Variants in ADARB2 observed in about 807,000 individuals in gnomAD.
ADARB2 encodes adenosine deaminase RNA specific B2 (inactive).
ADARB2 carries 25 observed loss-of-function variants against 62.2 expected under a neutral mutation model. The observed-to-expected ratio is 0.40, with a 90% CI of 0.29 to 0.56. ADARB2 has a LOEUF of 0.56. Among genes scored for constraint, ADARB2 ranks in the 20% least tolerant of loss-of-function variants. ADARB2 has a pLI of 0.43. For synonymous variants in ADARB2, 572 were observed against 500.8 expected, an observed-to-expected ratio of 1.14 and a Z score of -1.90; for missense variants, 1,071 against 1,077.4, an observed-to-expected ratio of 0.99 and a Z score of 0.08.
chr10:1,681,841 C>G (rs1262444397), intron 1 of ADARB2, among the ~76,000 whole-genome samples: 1 of 152,114 alleles, frequency 6.6e-6, no homozygotes, highest in Non-Finnish European at 1.5e-5. Flanking sequence ...AGCAATCCTC[C>G]CAGCCACAGA....
intron 1 of ADARB2, among the ~76,000 whole-genome samples, chr10:1,677,398 T>TGGGGC (rs1226402602): frequency 6.6e-6 from 1 of 152,044 alleles, no homozygotes; most frequent in African/African-American, 2.4e-5. Flanking sequence ...TGGTACTGGG[T>TGGGGC]GGGGCTGGGC....
intron 1 of ADARB2, among the ~76,000 whole-genome samples, chr10:1,496,233 T>A (rs1588277670): frequency 6.6e-6 from 1 of 151,918 alleles, no homozygotes; most frequent in Non-Finnish European, 1.5e-5. Context: ...ATCATCATTG[T>A]CATTATCACC....
At chr10:1,432,986 A>G (rs1474889311) in intron 1 of ADARB2, among the ~76,000 whole-genome samples, 2 of 152,232 alleles carry the variant, frequency 1.3e-5, no homozygotes, top group Non-Finnish European at 2.9e-5. Flanking sequence ...GTGAAGATGA[A>G]CCTGGCTGAT....
At chr10:1,536,797 A>G (rs1832338422) in intron 1 of ADARB2, among the ~76,000 whole-genome samples, 1 of 152,234 alleles carries the variant, frequency 6.6e-6, no homozygotes, top group South Asian at 2.1e-4. Context: ...CCTTTTACTT[A>G]TACAAAAATT....
chr10:1,208,733 G>C (rs139004526), intron 7 of ADARB2, among the ~76,000 whole-genome samples: 44 of 152,340 alleles, frequency 2.9e-4, no homozygotes, highest in African/African-American at 1.0e-3. Context: ...CAAGTCAGTC[G>C]TGTTTGCTGA....
intron 3 of ADARB2, among the ~76,000 whole-genome samples, chr10:1,341,582 C>T (rs1485731061): frequency 6.6e-6 from 1 of 150,996 alleles, no homozygotes; most frequent in Non-Finnish European, 1.5e-5. Flanking sequence ...TAACCAGCAT[C>T]CACCAGAGAA....
intron 1 of ADARB2, among the ~76,000 whole-genome samples, chr10:1,574,240 G>A (rs1364797829): frequency 6.6e-6 from 1 of 152,210 alleles, no homozygotes; most frequent in Non-Finnish European, 1.5e-5. Context: ...GAAGGAAACA[G>A]CCGGTTTGAG....
intron 1 of ADARB2, among the ~76,000 whole-genome samples, chr10:1,425,944 C>A (rs761207695): frequency 2.0e-5 from 3 of 152,120 alleles, no homozygotes; most frequent in African/African-American, 7.2e-5. Flanking sequence ...GAGAATGACC[C>A]GACGTGGAGC....
intron 1 of ADARB2, among the ~76,000 whole-genome samples, chr10:1,723,306 C>T (rs895024690): frequency 6.6e-6 from 1 of 152,234 alleles, no homozygotes; most frequent in South Asian, 2.1e-4. Context: ...GTGCTCCTGT[C>T]CTCTGGGGAC....
intron 6 of ADARB2, among the ~76,000 whole-genome samples, chr10:1,232,320 T>C (rs1830811778): frequency 6.6e-6 from 1 of 152,146 alleles, no homozygotes; most frequent in South Asian, 2.1e-4. Context: ...GTGGTGTATG[T>C]CGTATACATG....
intron 3 of ADARB2, among the ~76,000 whole-genome samples, chr10:1,346,804 C>G (rs1832085303): frequency 6.6e-6 from 1 of 152,244 alleles, no homozygotes; most frequent in East Asian, 1.9e-4. Flanking sequence ...CCAGGGTCCT[C>G]TGTTTCCCAT....
At chr10:1,693,571 C>G (rs1834700314) in intron 1 of ADARB2, among the ~76,000 whole-genome samples, 1 of 151,976 alleles carries the variant, frequency 6.6e-6, no homozygotes, top group African/African-American at 2.4e-5. Flanking sequence ...TATTGTTTTC[C>G]AAAAGAAGTT....
At chr10:1,720,418 T>C (rs1835075176) in intron 1 of ADARB2, among the ~76,000 whole-genome samples, 2 of 152,176 alleles carry the variant, frequency 1.3e-5, no homozygotes, top group Admixed American at 1.3e-4. Flanking sequence ...CCAGGTACTA[T>C]GCTCACTCCC....
chr10:1,511,435 G>A lies in ADARB2; in HGVS notation c.101-132275C>T, dbSNP rs559940737. Among the ~76,000 whole-genome samples the A allele has an allele frequency of 5.5e-4, 83 of 152,252 alleles. 1 individual carries two copies. The highest frequency in any genetic ancestry group is 3.4e-3 in the Middle Eastern group (1 of 294). On this transcript the variant is annotated intron_variant, in intron 1 of 9. Coordinates refer to ENST00000381312, the MANE Select transcript of ADARB2 (RefSeq NM_018702.4). ...GGGAGACATGTGTGGGATGTGCCAA[G>A]GGGAGAGAAGTTACATGGAGAACAG...
In ADARB2 at chr10:1,281,442, C is replaced by G. The variant is rs75545644; in HGVS notation, c.1078-10373G>C. On this transcript the variant is annotated intron_variant, in intron 3 of 9. Transcript: ENST00000381312. ...TATGCAATAGGAGGCCCAGGCAAAG[C>G]ACCATGCGCTTATATGCTTTGTGCT... is the stretch of plus-strand genomic sequence containing the variant. Among the ~76,000 whole-genome samples the G allele has an allele frequency of 5.6e-3, 846 of 152,358 alleles. 4 individuals carry two copies. Among genetic ancestry groups the G allele is most frequent in the African/African-American group, 0.017 (721 of 41,588 alleles).
At chr10:1,611,648 T>C (rs951557454) in intron 1 of ADARB2, among the ~76,000 whole-genome samples, 7 of 151,674 alleles carry the variant, frequency 4.6e-5, no homozygotes, top group African/African-American at 1.7e-4. Flanking sequence ...TACGGGAACA[T>C]GACACATACA....
intron 3 of ADARB2, among the ~76,000 whole-genome samples, chr10:1,271,633 C>T (rs986139305): frequency 6.6e-6 from 1 of 150,964 alleles, no homozygotes; most frequent in Non-Finnish European, 1.5e-5. Context: ...CACACACATG[C>T]ACACACACAG....
At chr10:1,665,381 C>T (rs1834303113) in intron 1 of ADARB2, among the ~76,000 whole-genome samples, 1 of 152,266 alleles carries the variant, frequency 6.6e-6, no homozygotes, top group African/African-American at 2.4e-5. Flanking sequence ...AGGACGCACC[C>T]CGACGTGGGG....
intron 1 of ADARB2, among the ~76,000 whole-genome samples, chr10:1,616,891 T>G (rs1361512350): frequency 1.3e-5 from 2 of 148,568 alleles, no homozygotes. Flanking sequence ...CTCAGACGGT[T>G]GCATTCTGTT....
Sources: gnomAD v4.1 joint callset for allele counts (sites outside exome capture counted in the v4.1 genomes callset) on GRCh38, gnomAD v4.1.1 for gene constraint, MANE v1.5 for transcripts, NCBI Gene and HGNC (gene_info 2026-07-23, HGNC 2026-07-21) for gene names.